RBFOX3: variants seen among roughly 807,000 people sequenced by gnomAD.
The protein encoded by RBFOX3 is RNA binding fox-1 homolog 3, also known as RNA binding protein fox-1 homolog 3.
A neutral mutation model predicts 48.7 loss-of-function variants in RBFOX3; 17 were observed. The ratio of observed to expected loss-of-function variants is 0.35; its 90% CI spans 0.24 to 0.52. RBFOX3 has a LOEUF of 0.52. RBFOX3 is among the 20% of genes least tolerant of loss of function. The pLI is 0.94. For missense variants in RBFOX3, 382 were observed against 497.5 expected, an observed-to-expected ratio of 0.77 and a Z score of 2.21; for synonymous variants, 212 against 209.5, an observed-to-expected ratio of 1.01 and a Z score of -0.10.
intron 2 of RBFOX3, among the ~76,000 whole-genome samples, chr17:79,409,158 G>A (rs1015336980): frequency 6.6e-6 from 1 of 152,218 alleles, no homozygotes; most frequent in South Asian, 2.1e-4. Context: ...GTTTGTCCAC[G>A]TGGCAGTCTG....
chr17:79,119,391 C>T lies in RBFOX3; in HGVS notation c.-33-3643G>A, dbSNP rs1050347986. Among the ~76,000 whole-genome samples, 98 of 152,190 alleles carry T rather than the reference C, an allele frequency of 6.4e-4. 1 individual carries two copies. Among genetic ancestry groups the T allele is most frequent in the Admixed American group, 6.3e-3 (96 of 15,276 alleles). ...TTCCCCCTTTCCCAGCTAATAAAAC[C>T]GAGGTGTAGAGACAAAGTGATTTGC... On this transcript the variant is annotated intron_variant, in intron 4 of 14. Coordinates refer to ENST00000693108, the MANE Select transcript of RBFOX3 (RefSeq NM_001350451.2).
intron 4 of RBFOX3, among the ~76,000 whole-genome samples, chr17:79,116,511 A>T (rs1450265181): frequency 6.6e-6 from 1 of 152,236 alleles, no homozygotes; most frequent in Non-Finnish European, 1.5e-5. Context: ...GCGAAACTTC[A>T]TCTTCAAATA....
At chr17:79,539,592 G>A (rs371131338) in intron 1 of RBFOX3, among the ~76,000 whole-genome samples, 1 of 152,142 alleles carries the variant, frequency 6.6e-6, no homozygotes, top group African/African-American at 2.4e-5. Context: ...GGTTTGGGAG[G>A]AGACATTTCC....
chr17:79,287,991 C>T (rs1320633653), intron 3 of RBFOX3, among the ~76,000 whole-genome samples: 2 of 152,200 alleles, frequency 1.3e-5, no homozygotes, highest in Non-Finnish European at 2.9e-5. Context: ...CAACCCCTCT[C>T]GGGCTCCACA....
At chr17:79,431,929 C>G (rs2068535955) in intron 2 of RBFOX3, among the ~76,000 whole-genome samples, 1 of 152,230 alleles carries the variant, frequency 6.6e-6, no homozygotes, top group African/African-American at 2.4e-5. Flanking sequence ...AACTGAAATT[C>G]TGTCCTCATT....
chr17:79,359,945 C>T (rs9901951), intron 2 of RBFOX3, among the ~76,000 whole-genome samples: 34,871 of 151,944 alleles, frequency 0.23, 4,118 homozygotes, highest in East Asian at 0.35. Flanking sequence ...AGGCTGATCT[C>T]GAACTCCAGG....
At position 79,111,840 on chromosome 17, in the gene RBFOX3, G is replaced by C. The variant is rs573903522; in HGVS notation, c.222+3654C>G. ...ATACATGCTCCAGATGGTGACCCCT[G>C]CTGGGGAACACAGACCCTGGGGGTG... is the stretch of plus-strand genomic sequence containing the variant. On this transcript the variant is annotated intron_variant, in intron 5 of 14. Transcript: ENST00000693108. This position sits in a 1 kb window ranked among gnomAD's most constrained non-coding sequence, Gnocchi z 4.2. Among the ~76,000 whole-genome samples, 49 of 152,370 alleles carry C rather than the reference G, an allele frequency of 3.2e-4. No homozygotes were observed. The highest frequency in any genetic ancestry group is 1.1e-3 in the African/African-American group (46 of 41,598).
the RBFOX3 span, among the ~76,000 whole-genome samples, chr17:79,655,744 C>G: frequency 2.0e-5 from 3 of 152,304 alleles, no homozygotes; most frequent in African/African-American, 7.2e-5. Context: ...CTGGAACAGT[C>G]AGTGTGGTCA....
At chr17:79,271,512 G>A (rs958108188) in intron 3 of RBFOX3, among the ~76,000 whole-genome samples, 5 of 152,266 alleles carry the variant, frequency 3.3e-5, no homozygotes, top group South Asian at 2.1e-4. Context: ...CCTTCTCCCC[G>A]GGCAGGGCTT....
chr17:79,135,155 G>A (rs989717237), intron 4 of RBFOX3: 4 of 152,304 alleles, frequency 2.6e-5, no homozygotes, highest in African/African-American at 9.6e-5. Flanking sequence ...TCACCTGTCT[G>A]TACCTCTGAG....
the RBFOX3 span, among the ~76,000 whole-genome samples, chr17:79,634,059 C>T: frequency 6.6e-6 from 1 of 152,242 alleles, no homozygotes; most frequent in East Asian, 1.9e-4. Flanking sequence ...CCCTTCCTCA[C>T]CGGGCTTATC....
chr17:79,654,430 C>T, the RBFOX3 span, among the ~76,000 whole-genome samples: 1 of 152,176 alleles, frequency 6.6e-6, no homozygotes, highest in African/African-American at 2.4e-5. Flanking sequence ...ATGAAAGAAG[C>T]ATTAGAAAAG....
intron 2 of RBFOX3, among the ~76,000 whole-genome samples, chr17:79,398,178 A>G (rs1052252773): frequency 7.9e-5 from 12 of 152,124 alleles, no homozygotes; most frequent in Non-Finnish European, 1.6e-4. Flanking sequence ...TGCTGAGAGC[A>G]GTCCTGATCC....
upstream of RBFOX3, among the ~76,000 whole-genome samples, chr17:79,612,684 G>A (rs1174637499): frequency 2.0e-5 from 3 of 152,214 alleles, no homozygotes; most frequent in Admixed American, 1.3e-4. Flanking sequence ...CAAGGCAGCC[G>A]CCTGGTTGAC....
intron 3 of RBFOX3, among the ~76,000 whole-genome samples, chr17:79,271,718 C>T (rs929467671): frequency 3.3e-5 from 5 of 150,958 alleles, no homozygotes; most frequent in African/African-American, 1.2e-4. Context: ...CTTCTCTGGA[C>T]CCCGTTGCCT....
At chr17:79,465,779 G>A (rs986104475) in intron 2 of RBFOX3, among the ~76,000 whole-genome samples, 4 of 152,218 alleles carry the variant, frequency 2.6e-5, no homozygotes, top group Admixed American at 1.3e-4. Flanking sequence ...TTCAGCCCCC[G>A]GTGGCCTCTC....
intron 2 of RBFOX3, among the ~76,000 whole-genome samples, chr17:79,357,967 A>C (rs2085535736): frequency 6.6e-6 from 1 of 151,558 alleles, no homozygotes; most frequent in African/African-American, 2.4e-5. Flanking sequence ...ATATATTATT[A>C]TTATTGACAG....
chr17:79,386,022 CA>C (rs1433238300), intron 2 of RBFOX3, among the ~76,000 whole-genome samples: 1 of 146,690 alleles, frequency 6.8e-6, no homozygotes, highest in Non-Finnish European at 1.5e-5. Flanking sequence ...CTTCCTATAA[CA>C]GATGGGGTTC....
Position 79,434,798 on chromosome 17 carries a change from T to C in RBFOX3, c.-175+47656A>G, listed in dbSNP as rs1044860615. On this transcript the variant is annotated intron_variant, in intron 2 of 14. Transcript: ENST00000693108. ...GAAAGCTGTGTTTTACTCAGGTTCA[T>C]TAATGGGGAGAGAACTTTTTCTCTG... Among the ~76,000 whole-genome samples the C allele has an allele frequency of 4.5e-4, 68 of 152,158 alleles. 1 individual carries two copies. The highest frequency in any genetic ancestry group is 3.9e-4 in the Admixed American group (6 of 15,282).
Sources: gnomAD v4.1 joint callset for allele counts (sites outside exome capture counted in the v4.1 genomes callset) on GRCh38, gnomAD v4.1.1 for gene constraint, Gnocchi (gnomAD v3.1) non-coding constraint, MANE v1.5 for transcripts, NCBI Gene and HGNC (gene_info 2026-07-23, HGNC 2026-07-21) for gene names.